CLCN7: variants seen among roughly 807,000 people sequenced by gnomAD.
CLCN7 encodes the protein Cl-/H+ antiporter 7.
In CLCN7, 60 loss-of-function variants were observed where a neutral mutation model predicts 102.1. The ratio of observed to expected loss-of-function variants is 0.59; its 90% CI spans 0.48 to 0.73. The LOEUF (loss-of-function observed/expected upper bound fraction) is 0.73, where lower values mean the gene tolerates loss of function less well. CLCN7 is among the 30% of genes least tolerant of loss of function. The pLI is 0.00. For missense variants in CLCN7, 962 were observed against 1,125.7 expected, an observed-to-expected ratio of 0.85 and a Z score of 2.08; for synonymous variants, 560 against 490.5, an observed-to-expected ratio of 1.14 and a Z score of -1.87.
At chr16:1,455,524 C>T (rs1011015519) in intron 11 of CLCN7, 25 of 682,562 alleles carry the variant, frequency 3.7e-5, no homozygotes, top group Non-Finnish European at 6.5e-5. Context: ...CGGGAGCCAC[C>T]CAGGGCTGGC....
In CLCN7 at chr16:1,450,509, G is replaced by A. The variant is rs932179269; in HGVS notation, c.1605C>T (p.Leu535=). 6.2e-6 allele frequency: 10 copies of A among 1,606,244 alleles called. No homozygotes were observed. Among genetic ancestry groups the A allele is most frequent in the African/African-American group, 1.3e-5 (1 of 74,970 alleles). ...CGGCCCCACTCACCGCCGCCCCCGT[G>A]AGGTAGGACAGGGAGATCCCAAAGA... ...GRLFGISLSY[L]TGAAIWADPG... is the part of the protein sequence containing the mutation. The change falls in exon 17 of 25, where the codon CTC becomes CTT. Residue 535 remains leucine, a synonymous_variant. Coordinates refer to ENST00000382745, the MANE Select transcript of CLCN7 (RefSeq NM_001287.6).
Position 1,446,637 on chromosome 16 carries a change from C to G in CLCN7, c.2412G>C (p.Gln804His). ...TTATGGGCAGGGCTGGGCCTCACGT[C>G]TGGGCCAGCGAGAGCTCCTCCAAGC... Reference protein sequence around the residue: ...KRGLEELSLAQT With the variant: ...KRGLEELSLAHT Residue 804 changes from glutamine to histidine, a missense_variant, in exon 25 of 25, where the codon CAG becomes CAC. Physicochemically the swap from Gln to His is conservative, Grantham distance 24. Transcript: ENST00000382745. 6.4e-7 allele frequency: 1 copy of G among 1,565,732 alleles called. No homozygotes were observed. Among genetic ancestry groups the G allele is most frequent in the Non-Finnish European group, 8.7e-7 (1 of 1,155,262 alleles).
chr16:1,450,355 A>G, intron 17 of CLCN7, 142 bp downstream of exon 17: 1 of 853,108 alleles, frequency 1.2e-6, no homozygotes, highest in South Asian at 1.5e-5. Flanking sequence ...CCCGTGAACC[A>G]CGCGAGGACA....
chr16:1,455,556 C>A, intron 11 of CLCN7, 175 bp downstream of exon 11: 1 of 765,962 alleles, frequency 1.3e-6, no homozygotes, highest in South Asian at 1.5e-5. Context: ...GGACCAAGGG[C>A]GAACTGGGCA....
rs1317724810 is a variant in CLCN7 at position 1,445,583 on chromosome 16, C to T, written c.*1048G>A. 6.6e-6 allele frequency: 1 copy of T among 152,516 alleles called. No homozygotes were observed. Among genetic ancestry groups the T allele is most frequent in the Non-Finnish European group, 1.5e-5 (1 of 68,286 alleles). The allele number at this position is 152,516 out of a possible 1,614,324, so 9.4% of individuals were successfully genotyped here. On this transcript the variant is annotated 3_prime_UTR_variant, in exon 25 of 25. Transcript: ENST00000382745. ...GTGGCGGCCCCAGACCCAGCCCAGC[C>T]AGGCCAGAGGAGCCTCCCAGGGGCC... is the stretch of plus-strand genomic sequence containing the variant.
chr16:1,446,608 C>T lies in CLCN7; in HGVS notation c.*23G>A, dbSNP rs1223092969. Reference sequence around the variant, plus strand: ...AAGGGCCGGGGTGCCAGCGCCAGTGCCCATTATGGGCAGGGCTGGGCCTCA... The same window carrying T: ...AAGGGCCGGGGTGCCAGCGCCAGTGTCCATTATGGGCAGGGCTGGGCCTCA... On this transcript the variant is annotated 3_prime_UTR_variant, in exon 25 of 25. Coordinates refer to ENST00000382745, the MANE Select transcript of CLCN7 (RefSeq NM_001287.6). 1 of 1,545,990 alleles carries T rather than the reference C, an allele frequency of 6.5e-7. No individual in the cohort carries two copies. Among genetic ancestry groups the T allele is most frequent in the Non-Finnish European group, 8.8e-7 (1 of 1,141,304 alleles).
intron 6 of CLCN7, among the ~76,000 whole-genome samples, chr16:1,460,025 C>A (rs967848311): frequency 6.6e-6 from 1 of 151,420 alleles, no homozygotes; most frequent in Non-Finnish European, 1.5e-5. Context: ...GCAGCACACA[C>A]GTTGGGGCCC....
chr16:1,465,145 T>C (rs1446818534), intron 2 of CLCN7, 122 bp downstream of exon 2: 2 of 842,224 alleles, frequency 2.4e-6, no homozygotes, highest in Non-Finnish European at 4.0e-6. Flanking sequence ...CAAGGAAATC[T>C]TCCCTGAACC....
chr16:1,464,831 G>A (rs951584790), intron 2 of CLCN7, among the ~76,000 whole-genome samples: 35 of 152,320 alleles, frequency 2.3e-4, no homozygotes, highest in African/African-American at 7.5e-4. Context: ...AGATGCCCCC[G>A]AGGGGAAGGA....
Position 1,461,236 on chromosome 16 carries a change from G to A in CLCN7, c.351+169C>T, listed in dbSNP as rs116681355. Among the ~76,000 whole-genome samples, 723 of 152,350 alleles carry A rather than the reference G, an allele frequency of 4.7e-3. 8 individuals carry two copies. Among genetic ancestry groups the A allele is most frequent in the African/African-American group, 0.016 (673 of 41,568 alleles). ...AGCAGCCTTCTTGGTTACGGTGACC[G>A]TGACCCTCCCACTGTCTCTAGAAAC... On this transcript the variant is annotated intron_variant, in intron 4 of 24. Coordinates refer to ENST00000382745, the MANE Select transcript of CLCN7 (RefSeq NM_001287.6).
chr16:1,462,363 GTCTTTTT>G (rs1357020593), intron 2 of CLCN7, among the ~76,000 whole-genome samples: 5 of 98,446 alleles, frequency 5.1e-5, no homozygotes, highest in Non-Finnish European at 7.9e-5. Context: ...ACCCTCATCT[GTCTTTTT>G]TTTTTTTTTT....
At position 1,447,562 on chromosome 16, in the gene CLCN7, C is replaced by T. The variant is rs956955455; in HGVS notation, c.2080G>A (p.Val694Met). 3.8e-5 allele frequency: 59 copies of T among 1,555,456 alleles called. No homozygotes were observed. Among genetic ancestry groups the T allele is most frequent in the Non-Finnish European group, 5.0e-5 (58 of 1,149,792 alleles). ...ACCAGGCCCAGGTTGGACCGCTCCA[C>T]AAACACCTGCGGGCGGCAGAGCCCT... ...LIVLLKHKVF[V>M]ERSNLGLVQR... The change falls in exon 23 of 25, where the codon GTG (valine) becomes ATG (methionine). Residue 694 changes from valine to methionine, a missense_variant. Physicochemically the swap from Val to Met is conservative, Grantham distance 21. Transcript: ENST00000382745.
At chr16:1,474,072 GA>G in intron 1 of CLCN7, 1 of 433,982 alleles carries the variant, frequency 2.3e-6, no homozygotes, top group Non-Finnish European at 4.5e-6. Flanking sequence ...CAACTACAGT[GA>G]AACTCCGTCT....
intron 14 of CLCN7, 73 bp downstream of exon 14, chr16:1,453,761 C>T: frequency 7.1e-7 from 1 of 1,407,104 alleles, no homozygotes. Flanking sequence ...AAACCCCATT[C>T]CACCACGTCC....
rs67969666 is a variant in CLCN7, at chr16:1,462,665, C to CAAA, written c.214-994_214-992dup. Among the ~76,000 whole-genome samples, 260 of 36,030 alleles carry CAAA rather than the reference C, an allele frequency of 7.2e-3. 3 individuals carry two copies. Among genetic ancestry groups the CAAA allele is most frequent in the African/African-American group, 0.018 (228 of 12,586 alleles). The allele number at this position is 36,030 out of a possible 152,430, so 23.6% of individuals were successfully genotyped here. On this transcript the variant is annotated intron_variant, in intron 2 of 24. Transcript: ENST00000382745. ...GAGACCCCAACTCTTAAAAAAAAGC[C>CAAA]AAAAAAAAAAAAAAAAAAAAAACCA...
chr16:1,446,348 T>C lies in CLCN7; in HGVS notation c.*283A>G, dbSNP rs938270696. On this transcript the variant is annotated 3_prime_UTR_variant, in exon 25 of 25. Transcript: ENST00000382745. ...AGAGGCCGATAGCCCGGTAGGGAGGTCACACACACACAGCTGATCCCTGGA... is the reference window on the plus strand; with the variant it reads ...AGAGGCCGATAGCCCGGTAGGGAGGCCACACACACACAGCTGATCCCTGGA... 1 of 701,386 alleles carries C rather than the reference T, an allele frequency of 1.4e-6. No homozygotes were observed. Among genetic ancestry groups the C allele is most frequent in the Non-Finnish European group, 2.6e-6 (1 of 384,464 alleles). 43.4% of individuals were successfully genotyped at this position (701,386 alleles called of 1,614,324 possible).
chr16:1,451,514 T>A (rs1371773412), intron 16 of CLCN7, 109 bp downstream of exon 16: 2 of 849,590 alleles, frequency 2.4e-6, no homozygotes, highest in African/African-American at 3.3e-5. Context: ...ATGCTAGGGA[T>A]GACCCCCCAG....
intron 4 of CLCN7, 87 bp from the exon 5 acceptor site, chr16:1,461,035 C>T: frequency 1.3e-6 from 2 of 1,528,928 alleles, no homozygotes; most frequent in Non-Finnish European, 1.8e-6. Context: ...CGCCTGCAGG[C>T]CCCGGGATTA....
chr16:1,458,169 C>T (rs1223613687), intron 7 of CLCN7, among the ~76,000 whole-genome samples: 1 of 152,228 alleles, frequency 6.6e-6, no homozygotes, highest in Non-Finnish European at 1.5e-5. Flanking sequence ...ACCTGCGGCT[C>T]CACGATGCCC....
Sources: gnomAD v4.1 joint callset for allele counts (sites outside exome capture counted in the v4.1 genomes callset) on GRCh38, gnomAD v4.1.1 for gene constraint, MANE v1.5 for transcripts, NCBI Gene and HGNC (gene_info 2026-07-23, HGNC 2026-07-21) for gene names.